The following HCN1 variants were observed in gnomAD, a reference collection of about 807,000 sequenced individuals.
HCN1 encodes hyperpolarization activated cyclic nucleotide gated potassium channel 1.
A neutral mutation model predicts 78.9 loss-of-function variants in HCN1; 13 were observed. The ratio of observed to expected loss-of-function variants is 0.16; its 90% CI spans 0.11 to 0.26. HCN1 has a LOEUF of 0.26. Ranked by LOEUF, HCN1 falls within the 10% of genes least tolerant of loss-of-function variation. HCN1 has a pLI of 1.00. For synonymous variants in HCN1, 552 were observed against 455.5 expected, an observed-to-expected ratio of 1.21 and a Z score of -2.70; for missense variants, 810 against 1,154.3, an observed-to-expected ratio of 0.70 and a Z score of 4.32.
intron 4 of HCN1, among the ~76,000 whole-genome samples, chr5:45,391,618 G>A (rs563729752): frequency 6.6e-6 from 1 of 152,210 alleles, no homozygotes; most frequent in South Asian, 2.1e-4. Flanking sequence ...TGAGAGAGGA[G>A]GCTCCATCAT....
intron 6 of HCN1, among the ~76,000 whole-genome samples, chr5:45,272,319 G>A (rs1443581749): frequency 6.6e-6 from 1 of 151,990 alleles, no homozygotes; most frequent in East Asian, 1.9e-4. Flanking sequence ...TTAGTCATCT[G>A]TAGCTCATAC....
chr5:45,613,627 G>T (rs1744886436), intron 2 of HCN1, among the ~76,000 whole-genome samples: 1 of 151,830 alleles, frequency 6.6e-6, no homozygotes, highest in African/African-American at 2.4e-5. Flanking sequence ...TATACCCAAA[G>T]GACTATAAAT....
chr5:45,318,257 C>T (rs1249558431), intron 5 of HCN1, among the ~76,000 whole-genome samples: 7 of 152,076 alleles, frequency 4.6e-5, no homozygotes, highest in Non-Finnish European at 1.0e-4. Flanking sequence ...AATTCATGTC[C>T]TTTGTAGGGA....
chr5:45,447,067 G>T (rs191274638), intron 3 of HCN1, among the ~76,000 whole-genome samples: 13 of 152,092 alleles, frequency 8.5e-5, no homozygotes, highest in African/African-American at 3.1e-4. Flanking sequence ...TGGACTTAAC[G>T]CTCCAATTAA....
At position 45,685,436 on chromosome 5, in the gene HCN1, G is replaced by A. The variant is rs115126892; in HGVS notation, c.425+10233C>T. Among the ~76,000 whole-genome samples the A allele has an allele frequency of 6.7e-3, 1,024 of 152,238 alleles. 12 individuals carry two copies. Among genetic ancestry groups the A allele is most frequent in the African/African-American group, 0.024 (983 of 41,544 alleles). On this transcript the variant is annotated intron_variant, in intron 1 of 7. Transcript: ENST00000303230. ...AGGATATATTAAAAGTTTTCCGTCCGGAAGCAGTGTCTCATGCCTGTAACG... is the reference window on the plus strand; with the variant it reads ...AGGATATATTAAAAGTTTTCCGTCCAGAAGCAGTGTCTCATGCCTGTAACG...
In HCN1 at chr5:45,672,176, T is replaced by G. The variant is rs367841322; in HGVS notation, c.425+23493A>C. ...AAACACCATGGGAACAATGGACTAC[T>G]AGGCTTGTGCCTAAAGCAAAATGTG... is the stretch of plus-strand genomic sequence containing the variant. On this transcript the variant is annotated intron_variant, in intron 1 of 7. Transcript: ENST00000303230. Among the ~76,000 whole-genome samples, 8 of 151,752 alleles carry G rather than the reference T, an allele frequency of 5.3e-5. No individual in the cohort carries two copies. The East Asian group carries it at 1.4e-3, about 26-fold the overall frequency.
intron 1 of HCN1, among the ~76,000 whole-genome samples, chr5:45,689,577 G>A (rs1460231807): frequency 2.6e-5 from 4 of 152,186 alleles, no homozygotes; most frequent in Non-Finnish European, 1.5e-5. Context: ...TCAAGCTTGG[G>A]GGTAATGTCA....
chr5:45,385,314 G>A (rs1489428908), intron 4 of HCN1, among the ~76,000 whole-genome samples: 1 of 151,984 alleles, frequency 6.6e-6, no homozygotes, highest in Non-Finnish European at 1.5e-5. Flanking sequence ...TGCATAAAGA[G>A]CACTTATTAA....
At chr5:45,425,447 G>A (rs1228371067) in intron 3 of HCN1, among the ~76,000 whole-genome samples, 3 of 152,140 alleles carry the variant, frequency 2.0e-5, no homozygotes, top group Non-Finnish European at 4.4e-5. Context: ...ATCACATCAA[G>A]ATGTCAAATA....
chr5:45,645,485 A>G lies in HCN1; in HGVS notation c.549T>C (p.Asp183=), dbSNP rs903438728. ...TGATCAGGTCCAATAGGAAAACTGT[A>G]TCTGATGCCACATTGAAAATAATCC... ...TPWIIFNVAS[D]TVFLLDLIMN... The change falls in exon 2 of 8, where the codon GAT becomes GAC. Residue 183 remains aspartate (D), a synonymous_variant. Coordinates refer to ENST00000303230, the MANE Select transcript of HCN1 (RefSeq NM_021072.4). The G allele has an allele frequency of 1.2e-6, 2 of 1,613,638 alleles. No individual in the cohort carries two copies. The highest frequency in any genetic ancestry group is 2.7e-5 in the African/African-American group (2 of 75,026).
intron 6 of HCN1, among the ~76,000 whole-genome samples, chr5:45,288,186 T>A (rs1361784858): frequency 1.3e-5 from 2 of 151,982 alleles, no homozygotes; most frequent in Non-Finnish European, 2.9e-5. Flanking sequence ...CTACTTTATT[T>A]CACTATCCAC....
intron 2 of HCN1, among the ~76,000 whole-genome samples, chr5:45,492,843 C>A (rs1035754116): frequency 1.3e-5 from 2 of 151,916 alleles, no homozygotes; most frequent in African/African-American, 4.8e-5. Context: ...GTTATCATAC[C>A]TTTATTTTGT....
intron 2 of HCN1, among the ~76,000 whole-genome samples, chr5:45,473,610 T>A (rs1741452972): frequency 6.6e-6 from 1 of 151,588 alleles, no homozygotes; most frequent in African/African-American, 2.4e-5. Flanking sequence ...TCAGTGACAT[T>A]GCTTCATTAA....
chr5:45,415,757 G>A (rs920206961), intron 3 of HCN1, among the ~76,000 whole-genome samples: 1 of 151,942 alleles, frequency 6.6e-6, no homozygotes, highest in South Asian at 2.1e-4. Flanking sequence ...TTGCTGTACC[G>A]TCTGTTTATT....
At chr5:45,277,603 C>T (rs1745090486) in intron 6 of HCN1, among the ~76,000 whole-genome samples, 1 of 152,014 alleles carries the variant, frequency 6.6e-6, no homozygotes, top group African/African-American at 2.4e-5. Context: ...CACATTAAAC[C>T]AGTTATTCTT....
chr5:45,344,556 C>A (rs1056442689), intron 5 of HCN1, among the ~76,000 whole-genome samples: 1 of 152,148 alleles, frequency 6.6e-6, no homozygotes, highest in African/African-American at 2.4e-5. Flanking sequence ...GTATAGGCAT[C>A]AGGTAAATAC....
chr5:45,369,373 C>G, intron 4 of HCN1, among the ~76,000 whole-genome samples: 1 of 152,024 alleles, frequency 6.6e-6, no homozygotes, highest in Middle Eastern at 3.4e-3. Flanking sequence ...TGTAAATCTG[C>G]CCATGGCATA....
At chr5:45,497,839 T>G (rs1561177638) in intron 2 of HCN1, among the ~76,000 whole-genome samples, 1 of 152,236 alleles carries the variant, frequency 6.6e-6, no homozygotes, top group Non-Finnish European at 1.5e-5. Flanking sequence ...TCTCCTTCAC[T>G]TATGAAGCTT....
rs138408595 is a variant in HCN1, at chr5:45,683,730, G to T, written c.425+11939C>A. On this transcript the variant is annotated intron_variant, in intron 1 of 7. Transcript: ENST00000303230. ...CATTTAGCCTGGATGGAGTGCAGTG[G>T]TGTCATCTTGGCTCACTGAAGCCTC... is the stretch of plus-strand genomic sequence containing the variant. 4.0e-5 allele frequency among the ~76,000 whole-genome samples: 6 copies of T among 151,894 alleles called. No individual in the cohort carries two copies. In the East Asian group the frequency reaches 1.2e-3, roughly 29 times the overall value.
Sources: gnomAD v4.1 joint callset for allele counts (sites outside exome capture counted in the v4.1 genomes callset) on GRCh38, gnomAD v4.1.1 for gene constraint, MANE v1.5 for transcripts, NCBI Gene and HGNC (gene_info 2026-07-23, HGNC 2026-07-21) for gene names.